DNAH7: variants seen among roughly 807,000 people sequenced by gnomAD.
DNAH7 encodes dynein axonemal heavy chain 7.
DNAH7 carries 397 observed loss-of-function variants against 444.6 expected under a neutral mutation model. That is an observed-to-expected ratio of 0.89 (90% CI 0.82 to 0.97). The LOEUF (loss-of-function observed/expected upper bound fraction) is 0.97. Among genes scored for constraint, DNAH7 ranks in the 50% least tolerant of loss-of-function variants. DNAH7 has a pLI of 0.00. For missense variants in DNAH7, 4,902 were observed against 4,800.8 expected, an observed-to-expected ratio of 1.02 and a Z score of -0.62; for synonymous variants, 1,636 against 1,624.4, an observed-to-expected ratio of 1.01 and a Z score of -0.17.
At chr2:195,921,837 GAAGA>G (rs1559226564) in intron 24 of DNAH7, among the ~76,000 whole-genome samples, 1 of 151,932 alleles carries the variant, frequency 6.6e-6, no homozygotes, top group African/African-American at 2.4e-5. Context: ...AAAGTTTCAG[GAAGA>G]AAGGAGGGAT....
At chr2:195,796,514 T>G in intron 56 of DNAH7, 62 bp downstream of exon 56, 1 of 1,572,230 alleles carries the variant, frequency 6.4e-7, no homozygotes, top group South Asian at 1.1e-5. Flanking sequence ...ACCCGAATGT[T>G]ATGTATATTA....
In DNAH7 at chr2:195,764,751, A is replaced by C. The variant is rs551625554; in HGVS notation, c.11433+6909T>G. ...AATTGAAGAAGACACAGTAAAATGG[A>C]AAGATATTCCATGTCAATGGATTGG... On this transcript the variant is annotated intron_variant, in intron 61 of 64. Coordinates refer to ENST00000312428, the MANE Select transcript of DNAH7 (RefSeq NM_018897.3). 1.2e-4 allele frequency among the ~76,000 whole-genome samples: 18 copies of C among 152,304 alleles called. 1 individual carries two copies. Among genetic ancestry groups the C allele is most frequent in the Middle Eastern group, 3.4e-3 (1 of 294 alleles).
intron 8 of DNAH7, among the ~76,000 whole-genome samples, chr2:196,023,116 A>G (rs936373614): frequency 6.6e-6 from 1 of 152,142 alleles, no homozygotes; most frequent in Admixed American, 6.5e-5. Context: ...CAGGTTTCAC[A>G]TGAATGGTTT....
intron 24 of DNAH7, among the ~76,000 whole-genome samples, chr2:195,919,710 GCTTA>G (rs1432661623): frequency 2.0e-5 from 3 of 152,096 alleles, no homozygotes; most frequent in Admixed American, 6.5e-5. Flanking sequence ...AATCAGTAGG[GCTTA>G]CTGTGTGCCT....
intron 31 of DNAH7, among the ~76,000 whole-genome samples, chr2:195,891,415 C>CT (rs5837481): frequency 5.3e-4 from 78 of 146,278 alleles, no homozygotes; most frequent in East Asian, 1.6e-3. Flanking sequence ...TTGCCCTGGC[C>CT]TTTTTTTTTT....
chr2:195,886,603 A>G (rs1043057052), intron 33 of DNAH7, among the ~76,000 whole-genome samples: 2 of 152,194 alleles, frequency 1.3e-5, no homozygotes, highest in Non-Finnish European at 1.5e-5. Flanking sequence ...GTTAATTTCT[A>G]TATCTAAAAT....
chr2:195,793,712 C>T (rs561184403), intron 57 of DNAH7, among the ~76,000 whole-genome samples: 8 of 152,260 alleles, frequency 5.3e-5, no homozygotes, highest in Non-Finnish European at 1.0e-4. Context: ...AGACATCAAG[C>T]GTGTGAGCTT....
intron 1 of DNAH7, 33 bp from the exon 2 acceptor site, chr2:196,058,149 T>G: frequency 6.5e-7 from 1 of 1,540,446 alleles, no homozygotes; most frequent in Non-Finnish European, 8.8e-7. Flanking sequence ...CAAAACTGTT[T>G]ACTCCGTTAA....
intron 54 of DNAH7, among the ~76,000 whole-genome samples, chr2:195,805,517 C>T (rs199566139): frequency 1.4e-4 from 22 of 152,152 alleles, no homozygotes; most frequent in African/African-American, 5.1e-4. Context: ...GGATGTCTCA[C>T]CAGGGTCATA....
intron 15 of DNAH7, among the ~76,000 whole-genome samples, chr2:195,981,529 A>G (rs1212541620): frequency 6.6e-6 from 1 of 152,176 alleles, no homozygotes; most frequent in African/African-American, 2.4e-5. Flanking sequence ...AAAAAGAACA[A>G]AACTGGAGGA....
intron 15 of DNAH7, among the ~76,000 whole-genome samples, chr2:195,982,013 C>T (rs550328304): frequency 6.6e-6 from 1 of 152,272 alleles, no homozygotes; most frequent in Admixed American, 6.5e-5. Context: ...AAACGATCAA[C>T]AACATGAAGA....
chr2:195,797,600 T>G (rs1696219992), intron 55 of DNAH7, among the ~76,000 whole-genome samples: 1 of 152,170 alleles, frequency 6.6e-6, no homozygotes, highest in Non-Finnish European at 1.5e-5. Context: ...AGGTGAGTCC[T>G]TCGTAGAAGT....
In DNAH7 at chr2:195,787,164, A is replaced by C; in HGVS notation, c.10724T>G (p.Phe3575Cys). The C allele has an allele frequency of 6.3e-7, 1 of 1,599,266 alleles. No homozygotes were observed. The highest frequency in any genetic ancestry group is 8.5e-7 in the Non-Finnish European group (1 of 1,176,060). Residue 3575 changes from phenylalanine (F) to cysteine (C), a missense_variant, in exon 58 of 65, where the codon TTC becomes TGC. By Grantham distance (205) the Phe-to-Cys change is radical. Coordinates refer to ENST00000312428, the MANE Select transcript of DNAH7 (RefSeq NM_018897.3). Reference protein sequence around the residue: ...FFGSCKKPEEFKKLLYGLCFF... With the variant: ...FFGSCKKPEECKKLLYGLCFF... Reference sequence around the variant, plus strand: ...ACACAGGCCATAAAGCAATTTCTTGAATTCCTCCTGTAATGAGAAGAAATG... The same window carrying C: ...ACACAGGCCATAAAGCAATTTCTTGCATTCCTCCTGTAATGAGAAGAAATG...
At chr2:196,047,017 C>T (rs1014428433) in intron 5 of DNAH7, among the ~76,000 whole-genome samples, 3 of 151,952 alleles carry the variant, frequency 2.0e-5, no homozygotes, top group Non-Finnish European at 2.9e-5. Context: ...ATCACAATGC[C>T]GGAAAAGTCA....
At chr2:195,998,979 AC>A in intron 12 of DNAH7, 1 of 623,388 alleles carries the variant, frequency 1.6e-6, no homozygotes, top group Non-Finnish European at 2.9e-6. Flanking sequence ...TGCCCTGGGG[AC>A]CCTGCTGATC....
chr2:195,864,331 G>A lies in DNAH7; in HGVS notation c.7324C>T (p.Arg2442Cys), dbSNP rs376122638. 3.8e-5 allele frequency: 61 copies of A among 1,614,086 alleles called. No individual in the cohort carries two copies. The Middle Eastern group carries it at 4.9e-4, about 13-fold the overall frequency. Residue 2442 changes from arginine (R) to cysteine (C), a missense_variant, in exon 41 of 65, where the codon CGC becomes TGC. By Grantham distance (180) the Arg-to-Cys change is radical. Coordinates refer to ENST00000312428, the MANE Select transcript of DNAH7 (RefSeq NM_018897.3). Reference sequence around the variant, plus strand: ...GTTTGCTTGGTTTTATCCCGCTGGCGATCTAACTGACGCATCTTATCACAT... The same window carrying A: ...GTTTGCTTGGTTTTATCCCGCTGGCAATCTAACTGACGCATCTTATCACAT... ...EICDKMRQLD[R>C]QRDKTKQTDG...
intron 48 of DNAH7, among the ~76,000 whole-genome samples, chr2:195,827,086 G>A (rs576191748): frequency 1.2e-4 from 18 of 152,172 alleles, no homozygotes; most frequent in Admixed American, 2.0e-4. Flanking sequence ...ACAGAGGTTA[G>A]AAAATACAGT....
At chr2:195,757,368 T>G (rs935110235) in intron 61 of DNAH7, among the ~76,000 whole-genome samples, 5 of 152,340 alleles carry the variant, frequency 3.3e-5, no homozygotes, top group Admixed American at 2.6e-4. Flanking sequence ...ATTTCCCATT[T>G]TGAATGACTG....
intron 54 of DNAH7, among the ~76,000 whole-genome samples, chr2:195,799,754 A>T (rs939058777): frequency 1.3e-5 from 2 of 152,208 alleles, no homozygotes; most frequent in Admixed American, 1.3e-4. Context: ...GTGGCTGAAG[A>T]AGGAACCTGA....
Sources: allele counts gnomAD v4.1 joint callset (sites outside exome capture counted in the v4.1 genomes callset), GRCh38; gene constraint gnomAD v4.1.1; transcripts MANE v1.5; gene names NCBI Gene and HGNC (gene_info 2026-07-23, HGNC 2026-07-21).